ZSWIM6: variants seen among roughly 807,000 people sequenced by gnomAD.
ZSWIM6 encodes zinc finger SWIM domain-containing protein 6.
A neutral mutation model predicts 113.2 loss-of-function variants in ZSWIM6; 9 were observed. The observed-to-expected ratio is 0.08, with a 90% CI of 0.05 to 0.14. The LOEUF is 0.14. Ranked by LOEUF, ZSWIM6 falls within the 10% of genes least tolerant of loss-of-function variation. The pLI is 1.00. For missense variants in ZSWIM6, 1,162 were observed against 1,552.2 expected, an observed-to-expected ratio of 0.75 and a Z score of 4.22; for synonymous variants, 611 against 606.5, an observed-to-expected ratio of 1.01 and a Z score of -0.11.
chr5:61,398,875 G>A (rs2112100509), intron 1 of ZSWIM6, among the ~76,000 whole-genome samples: 1 of 150,040 alleles, frequency 6.7e-6, no homozygotes, highest in East Asian at 2.0e-4. Flanking sequence ...CGGAATGGTA[G>A]GGCAGGGGGC....
intron 2 of ZSWIM6, among the ~76,000 whole-genome samples, chr5:61,475,012 G>A (rs1747672329): frequency 6.6e-6 from 1 of 151,920 alleles, no homozygotes; most frequent in Non-Finnish European, 1.5e-5. Flanking sequence ...AAAAGCACAT[G>A]TATTCAAGGA....
intron 1 of ZSWIM6, among the ~76,000 whole-genome samples, chr5:61,444,954 G>A (rs1328685817): frequency 1.3e-5 from 2 of 152,176 alleles, no homozygotes; most frequent in Non-Finnish European, 2.9e-5. Flanking sequence ...TCAAAGCCCT[G>A]TAACTTAACA....
chr5:61,458,801 C>T (rs2112165978), intron 1 of ZSWIM6, among the ~76,000 whole-genome samples: 1 of 151,932 alleles, frequency 6.6e-6, no homozygotes, highest in South Asian at 2.1e-4. Flanking sequence ...TCACTTGAAC[C>T]CATGAGGCGG....
intron 2 of ZSWIM6, among the ~76,000 whole-genome samples, chr5:61,478,688 AGT>A (rs567824133): frequency 2.7e-4 from 39 of 143,082 alleles, no homozygotes; most frequent in Non-Finnish European, 4.0e-4. Flanking sequence ...TTTATGTGTG[AGT>A]GTGTGTGTGT....
intron 1 of ZSWIM6, among the ~76,000 whole-genome samples, chr5:61,404,771 G>GT (rs2112106874): frequency 6.6e-6 from 1 of 152,244 alleles, no homozygotes; most frequent in African/African-American, 2.4e-5. Flanking sequence ...CCTAGAGAGG[G>GT]TTGTTTTTTT....
At chr5:61,385,748 G>T (rs1745580722) in intron 1 of ZSWIM6, among the ~76,000 whole-genome samples, 1 of 152,194 alleles carries the variant, frequency 6.6e-6, no homozygotes, top group South Asian at 2.1e-4. Context: ...TCTTTTGGGA[G>T]GCTTCCCTCA....
chr5:61,396,546 AAAG>A (rs1579974527), intron 1 of ZSWIM6, among the ~76,000 whole-genome samples: 1 of 152,004 alleles, frequency 6.6e-6, no homozygotes, highest in East Asian at 1.9e-4. Context: ...AAAAAAAAAA[AAAG>A]AGAATTGAAT....
chr5:61,399,231 G>GTT (rs35540556), intron 1 of ZSWIM6, among the ~76,000 whole-genome samples: 1,382 of 117,936 alleles, frequency 0.012, 19 homozygotes, highest in African/African-American at 0.032. Context: ...GGCTGTGTAT[G>GTT]TTTTTTTTTT....
chr5:61,471,135 G>A (rs1487541404), intron 1 of ZSWIM6, among the ~76,000 whole-genome samples: 1 of 152,220 alleles, frequency 6.6e-6, no homozygotes, highest in Non-Finnish European at 1.5e-5. Flanking sequence ...TATTAAAGTA[G>A]CATCAATAGA....
intron 1 of ZSWIM6, among the ~76,000 whole-genome samples, chr5:61,389,661 G>A (rs1287368995): frequency 6.6e-6 from 1 of 151,634 alleles, no homozygotes; most frequent in African/African-American, 2.4e-5. Flanking sequence ...AAATTATCAC[G>A]TGGACCAAAA....
In ZSWIM6 at chr5:61,471,134, A is replaced by G. The variant is rs534308853; in HGVS notation, c.677-1547A>G. On this transcript the variant is annotated intron_variant, in intron 1 of 13. Transcript: ENST00000252744. ...CTAGCTAGATGAATTTTATTAAAGT[A>G]GCATCAATAGAGGAAGACTGGGAGA... Among the ~76,000 whole-genome samples the G allele has an allele frequency of 2.6e-5, 4 of 152,366 alleles. No homozygotes were observed. In the East Asian group the frequency reaches 7.7e-4, roughly 29 times the overall value.
chr5:61,488,660 GT>G (rs1167304158), intron 2 of ZSWIM6, among the ~76,000 whole-genome samples: 2 of 151,698 alleles, frequency 1.3e-5, no homozygotes, highest in African/African-American at 4.8e-5. Context: ...TAATGTCTCT[GT>G]TTTCATTTCT....
At chr5:61,435,044 A>G in intron 1 of ZSWIM6, among the ~76,000 whole-genome samples, 1 of 152,162 alleles carries the variant, frequency 6.6e-6, no homozygotes, top group East Asian at 1.9e-4. Flanking sequence ...CGAGAGATAT[A>G]GTACCTGTGT....
chr5:61,457,197 G>C (rs953637884), intron 1 of ZSWIM6, among the ~76,000 whole-genome samples: 5 of 152,090 alleles, frequency 3.3e-5, no homozygotes, highest in African/African-American at 1.2e-4. Context: ...GTCTACTTTA[G>C]AGAAAAGAAG....
At chr5:61,424,727 C>CT (rs35994591) in intron 1 of ZSWIM6, among the ~76,000 whole-genome samples, 3,452 of 134,688 alleles carry the variant, frequency 0.026, 59 homozygotes, top group South Asian at 0.043. Flanking sequence ...AATCTTGGCT[C>CT]TTTTTTTTTT....
At chr5:61,342,771 T>G (rs1192621835) in intron 1 of ZSWIM6, among the ~76,000 whole-genome samples, 3 of 152,340 alleles carry the variant, frequency 2.0e-5, no homozygotes, top group East Asian at 3.9e-4. Flanking sequence ...TGTCTTAAAA[T>G]GGACATACTA....
rs1328003094 is a variant in ZSWIM6 at position 61,538,898 on chromosome 5, T to C, written c.2466T>C (p.Pro822=). The change falls in exon 11 of 14, where the codon CCT becomes CCC. Residue 822 remains proline (P), a synonymous_variant. Transcript: ENST00000252744. ...HIASVVPNRY[P]RWFTLSHIES... ...CATCAGTTGTTCCCAACCGCTACCC[T>C]CGCTGGTTCACTCTAAGCCACATTG... 3 of 1,552,238 alleles carry C rather than the reference T, an allele frequency of 1.9e-6. No homozygotes were observed. The South Asian group carries it at 3.6e-5, about 18-fold the overall frequency.
intron 10 of ZSWIM6, among the ~76,000 whole-genome samples, chr5:61,537,269 A>G (rs1561284030): frequency 6.6e-6 from 1 of 152,190 alleles, no homozygotes; most frequent in African/African-American, 2.4e-5. Context: ...GAATACTAGC[A>G]GGGTACAGGG....
At position 61,521,410 on chromosome 5, in the gene ZSWIM6, A is replaced by G. The variant is rs964621464; in HGVS notation, c.1481A>G (p.Asn494Ser). 27 of 1,522,364 alleles carry G rather than the reference A, an allele frequency of 1.8e-5. No homozygotes were observed. The highest frequency in any genetic ancestry group is 1.6e-4 in the East Asian group (6 of 38,254). The allele number at this position is 1,522,364 out of a possible 1,614,324, so 94.3% of individuals were successfully genotyped here. A position where few individuals can be genotyped will look rare whatever the true frequency, so the allele number is the denominator to read the frequency against. Residue 494 changes from asparagine (N) to serine (S), a missense_variant, in exon 5 of 14, where the codon AAT becomes AGT. Asn to Ser is a conservative substitution (Grantham distance 46, BLOSUM62 1). Transcript: ENST00000252744. ...NHGSELPNLT[N>S]ALPQGANANQ... ...GGCAGTGAATTACCCAACTTAACCA[A>G]TGCTCTGCCTCAGGGTGCAAATGCC...
Sources: gnomAD v4.1 joint callset for allele counts (sites outside exome capture counted in the v4.1 genomes callset) on GRCh38, gnomAD v4.1.1 for gene constraint, MANE v1.5 for transcripts, NCBI Gene and HGNC (gene_info 2026-07-23, HGNC 2026-07-21) for gene names.